Variants in PDE1C observed in about 807,000 individuals in gnomAD.
PDE1C encodes the protein dual specificity calcium/calmodulin-dependent 3',5'-cyclic nucleotide phosphodiesterase 1C.
A neutral mutation model predicts 93.1 loss-of-function variants in PDE1C; 62 were observed. The ratio of observed to expected loss-of-function variants is 0.67; its 90% CI spans 0.54 to 0.82. PDE1C has a LOEUF of 0.82. Among genes scored for constraint, PDE1C ranks in the 40% least tolerant of loss-of-function variants. The pLI is 0.00. For missense variants in PDE1C, 742 were observed against 884.6 expected (o/e 0.84, Z 2.04); for synonymous variants, 325 against 310.1 (o/e 1.05, Z -0.50).
At chr7:31,990,680 C>T (rs1784045579) in intron 2 of PDE1C, among the ~76,000 whole-genome samples, 1 of 152,104 alleles carries the variant, frequency 6.6e-6, no homozygotes, top group Non-Finnish European at 1.5e-5. Context: ...CTTTTCACAA[C>T]CAAAATTAAT....
At chr7:31,855,141 T>G (rs1389571513) in intron 7 of PDE1C, among the ~76,000 whole-genome samples, 1 of 150,542 alleles carries the variant, frequency 6.6e-6, no homozygotes, top group African/African-American at 2.4e-5. Flanking sequence ...CAGGCCAGTG[T>G]GGATGGGTTC....
chr7:32,243,083 GGACA>G (rs1400451112), intron 1 of PDE1C, among the ~76,000 whole-genome samples: 1 of 152,134 alleles, frequency 6.6e-6, no homozygotes, highest in Non-Finnish European at 1.5e-5. Flanking sequence ...GGACACCCAG[GGACA>G]GACAGTCTCT....
intron 3 of PDE1C, among the ~76,000 whole-genome samples, chr7:32,099,807 C>A (rs996286859): frequency 1.3e-5 from 2 of 152,170 alleles, no homozygotes; most frequent in Admixed American, 6.5e-5. Context: ...AATGCCTCCT[C>A]TCTCCCAACA....
rs550344120 is a variant in PDE1C, at chr7:31,774,693, G to C, written c.1960+971C>G. Among the ~76,000 whole-genome samples the C allele has an allele frequency of 1.5e-3, 221 of 152,290 alleles. 1 individual carries two copies. Among genetic ancestry groups the C allele is most frequent in the Admixed American group, 4.2e-3 (64 of 15,294 alleles). Reference sequence around the variant, plus strand: ...TTAGTCAATTACTGAAATATTTGTTGAAGTATTTAATAACATGAAGAAAGT... The same window carrying C: ...TTAGTCAATTACTGAAATATTTGTTCAAGTATTTAATAACATGAAGAAAGT... On this transcript the variant is annotated intron_variant, in intron 17 of 17. Coordinates refer to ENST00000396191, the MANE Select transcript of PDE1C (RefSeq NM_001191057.4).
chr7:31,954,279 C>T lies in PDE1C; in HGVS notation c.129-73419G>A, dbSNP rs185971830. On this transcript the variant is annotated intron_variant, in intron 2 of 17. Transcript: ENST00000396191. ...TATCTCTCTCTTCCATCCCATTCCCCGGCAGAAGGCAGGGGCTTCGGAGGC... is the reference window on the plus strand; with the variant it reads ...TATCTCTCTCTTCCATCCCATTCCCTGGCAGAAGGCAGGGGCTTCGGAGGC... Among the ~76,000 whole-genome samples, 141 of 152,264 alleles carry T rather than the reference C, an allele frequency of 9.3e-4. 1 individual carries two copies. The highest frequency in any genetic ancestry group is 1.6e-3 in the Non-Finnish European group (112 of 68,022).
chr7:31,945,146 T>C (rs981648168), intron 2 of PDE1C, among the ~76,000 whole-genome samples: 3 of 152,198 alleles, frequency 2.0e-5, no homozygotes, highest in Admixed American at 2.0e-4. Context: ...AAGGACCTTA[T>C]AACAGAGTAT....
chr7:31,775,654 G>C lies in PDE1C; in HGVS notation c.1960+10C>G, dbSNP rs1436339327. 4 of 1,611,184 alleles carry C rather than the reference G, an allele frequency of 2.5e-6. No individual in the cohort carries two copies. The highest frequency in any genetic ancestry group is 1.7e-6 in the Non-Finnish European group (2 of 1,178,420). On this transcript the variant is annotated intron_variant, in intron 17 of 17. Coordinates refer to ENST00000396191, the MANE Select transcript of PDE1C (RefSeq NM_001191057.4). ...GTCACTAAGATAATGGTGCAATGCTGTTTACCCACCTGGCAACGTAAGGCG... is the reference window on the plus strand; with the variant it reads ...GTCACTAAGATAATGGTGCAATGCTCTTTACCCACCTGGCAACGTAAGGCG...
chr7:32,118,402 T>C (rs1488549872), intron 3 of PDE1C, among the ~76,000 whole-genome samples: 2 of 152,144 alleles, frequency 1.3e-5, no homozygotes, highest in Non-Finnish European at 2.9e-5. Context: ...AAATGAATAT[T>C]AGAATTCTTC....
rs560166689 is a variant in PDE1C at position 31,793,675 on chromosome 7, C to T, written c.1891+15356G>A. ...TCTATTGGGCATATGAATGGGTCCT[C>T]GTTTTTTTTTTTTTTAAATAAGAAG... On this transcript the variant is annotated intron_variant, in intron 16 of 17. Transcript: ENST00000396191. 2.3e-3 allele frequency among the ~76,000 whole-genome samples: 222 copies of T among 98,384 alleles called. 1 individual carries two copies. The highest frequency in any genetic ancestry group is 6.3e-3 in the African/African-American group (211 of 33,648). The allele number at this position is 98,384 out of a possible 152,430, so 64.5% of individuals were successfully genotyped here.
chr7:31,642,743 A>T, the PDE1C span: 8 of 1,614,042 alleles, frequency 5.0e-6, no homozygotes, highest in Non-Finnish European at 5.1e-6. Context: ...CCAAGAGATC[A>T]GAGCCACAGC....
intron 2 of PDE1C, among the ~76,000 whole-genome samples, chr7:31,987,600 G>A (rs1247219378): frequency 1.3e-5 from 2 of 152,062 alleles, no homozygotes; most frequent in Non-Finnish European, 2.9e-5. Context: ...TGAAATGAAA[G>A]GCCAGGGTCT....
chr7:31,812,342 A>T (rs1314926811), intron 15 of PDE1C, among the ~76,000 whole-genome samples: 2 of 152,088 alleles, frequency 1.3e-5, no homozygotes, highest in Non-Finnish European at 2.9e-5. Context: ...TTATTTCCAC[A>T]TCTGCCCTCT....
chr7:31,894,444 T>C (rs916687371), intron 2 of PDE1C, among the ~76,000 whole-genome samples: 1 of 152,172 alleles, frequency 6.6e-6, no homozygotes, highest in African/African-American at 2.4e-5. Context: ...AAAATAAGCA[T>C]ATTTGCTGGA....
rs546147737 is a variant in PDE1C at position 32,153,675 on chromosome 7, CT to C, written c.308+16109del. 8.7e-4 allele frequency among the ~76,000 whole-genome samples: 133 copies of C among 152,314 alleles called. 1 individual carries two copies. Among genetic ancestry groups the C allele is most frequent in the African/African-American group, 3.1e-3 (127 of 41,580 alleles). The stretch of plus-strand genomic sequence containing the variant: ...GTGAAATAGAATGTCAATCAGAAAT[CT>C]GAACAGGATAGAGCCCACGTAGTGT... On this transcript the variant is annotated intron_variant, in intron 3 of 18. Coordinates refer to the PDE1C transcript ENST00000396193.
intron 1 of PDE1C, among the ~76,000 whole-genome samples, chr7:32,211,584 A>G (rs1806031351): frequency 6.8e-6 from 1 of 146,254 alleles, no homozygotes; most frequent in Non-Finnish European, 1.5e-5. Flanking sequence ...TTATAATAAA[A>G]AAAAAGGGGG....
chr7:31,949,482 A>T (rs61636719), intron 2 of PDE1C, among the ~76,000 whole-genome samples: 11,172 of 152,144 alleles, frequency 0.073, 982 homozygotes, highest in African/African-American at 0.22. Context: ...AATAAATAAA[A>T]AAATAAATGA....
At chr7:32,009,640 T>TC (rs1786802022) in intron 2 of PDE1C, among the ~76,000 whole-genome samples, 1 of 152,230 alleles carries the variant, frequency 6.6e-6, no homozygotes, top group Non-Finnish European at 1.5e-5. Flanking sequence ...CAAGGATGTC[T>TC]CCTCTTACTG....
chr7:32,191,461 T>C (rs906473545), intron 2 of PDE1C, among the ~76,000 whole-genome samples: 5 of 152,162 alleles, frequency 3.3e-5, no homozygotes, highest in Non-Finnish European at 7.3e-5. Flanking sequence ...CTCGAGAATG[T>C]TATACAAATA....
At chr7:32,356,146 G>T (rs973660859) in intron 1 of PDE1C, among the ~76,000 whole-genome samples, 1 of 152,180 alleles carries the variant, frequency 6.6e-6, no homozygotes, top group Non-Finnish European at 1.5e-5. Flanking sequence ...GATCCATGAG[G>T]GATATGGTAG....
Sources: gnomAD v4.1 joint callset for allele counts (sites outside exome capture counted in the v4.1 genomes callset) on GRCh38, gnomAD v4.1.1 for gene constraint, MANE v1.5 for transcripts, NCBI Gene and HGNC (gene_info 2026-07-23, HGNC 2026-07-21) for gene names.